The following LRP1B variants were observed in gnomAD, a reference collection of about 807,000 sequenced individuals.
The protein encoded by LRP1B is LDL receptor related protein 1B, also known as low-density lipoprotein receptor-related protein 1B.
LRP1B carries 217 observed loss-of-function variants against 556.6 expected under a neutral mutation model. The observed-to-expected ratio is 0.39, with a 90% CI of 0.35 to 0.44. The LOEUF is 0.44. LRP1B is among the 20% of genes least tolerant of loss of function. The pLI, the probability that LRP1B is intolerant of heterozygous loss-of-function variation, is 1.00. For missense variants in LRP1B, 5,053 were observed against 5,620.8 expected (o/e 0.90, Z 3.23); for synonymous variants, 2,047 against 1,865.8 (o/e 1.10, Z -2.50).
chr2:141,499,356 C>T (rs1287219738), intron 2 of LRP1B, among the ~76,000 whole-genome samples: 1 of 152,082 alleles, frequency 6.6e-6, no homozygotes, highest in Non-Finnish European at 1.5e-5. Context: ...GCCCATGTAA[C>T]TATATGACAG....
intron 7 of LRP1B, among the ~76,000 whole-genome samples, chr2:141,120,521 A>C (rs970786863): frequency 6.6e-6 from 1 of 152,036 alleles, no homozygotes; most frequent in Non-Finnish European, 1.5e-5. Context: ...TATTATGATT[A>C]TATCAAATAG....
intron 7 of LRP1B, among the ~76,000 whole-genome samples, chr2:141,181,987 C>T (rs1681020008): frequency 6.6e-6 from 1 of 152,110 alleles, no homozygotes; most frequent in Non-Finnish European, 1.5e-5. Context: ...CACATACTTT[C>T]TCACCCATGT....
chr2:141,164,747 G>A, intron 7 of LRP1B, among the ~76,000 whole-genome samples: 1 of 151,982 alleles, frequency 6.6e-6, no homozygotes. Context: ...ATCCCCCATA[G>A]TTCCATTGGA....
intron 2 of LRP1B, among the ~76,000 whole-genome samples, chr2:141,630,244 T>C (rs1688860130): frequency 6.6e-6 from 1 of 152,254 alleles, no homozygotes; most frequent in Non-Finnish European, 1.5e-5. Flanking sequence ...GCCTACTATA[T>C]TGATTTCTAC....
intron 1 of LRP1B, among the ~76,000 whole-genome samples, chr2:142,101,885 G>A (rs1249281968): frequency 6.6e-6 from 1 of 151,984 alleles, no homozygotes; most frequent in African/African-American, 2.4e-5. Context: ...AAAATGTTCT[G>A]AGAACATAAA....
chr2:140,947,349 T>C (rs1695575856), intron 20 of LRP1B, among the ~76,000 whole-genome samples: 1 of 152,148 alleles, frequency 6.6e-6, no homozygotes, highest in Non-Finnish European at 1.5e-5. Context: ...TTGAAAACAA[T>C]TTGAGTTGAG....
At chr2:141,453,267 G>A (rs984333844) in intron 3 of LRP1B, among the ~76,000 whole-genome samples, 2 of 152,112 alleles carry the variant, frequency 1.3e-5, no homozygotes, top group African/African-American at 4.8e-5. Context: ...AAATAACAAT[G>A]TCTGAGGATT....
At chr2:141,735,156 G>C (rs947780236) in intron 2 of LRP1B, among the ~76,000 whole-genome samples, 3 of 113,636 alleles carry the variant, frequency 2.6e-5, no homozygotes, top group African/African-American at 3.9e-5. Context: ...TTGTTTGTTT[G>C]TTTGTTTGTT....
chr2:141,837,468 A>G (rs1016433905), intron 1 of LRP1B, among the ~76,000 whole-genome samples: 2 of 152,084 alleles, frequency 1.3e-5, no homozygotes, highest in Non-Finnish European at 2.9e-5. Context: ...ATGAGAAGTT[A>G]TGATGAAAAA....
intron 2 of LRP1B, among the ~76,000 whole-genome samples, chr2:141,643,282 C>G (rs962144007): frequency 1.3e-5 from 2 of 152,096 alleles, no homozygotes; most frequent in African/African-American, 4.8e-5. Flanking sequence ...GAAGCACCCT[C>G]CTCAGTCTAC....
chr2:141,769,907 AG>A (rs1388319805), intron 2 of LRP1B, among the ~76,000 whole-genome samples: 1 of 152,154 alleles, frequency 6.6e-6, no homozygotes, highest in Admixed American at 6.5e-5. Flanking sequence ...TAATGCTAAG[AG>A]AGGTTAAGTG....
At chr2:140,993,892 C>T (rs11678316) in intron 16 of LRP1B, 103 bp downstream of exon 16, 320,252 of 1,166,066 alleles carry the variant, frequency 0.27, 46,160 homozygotes, top group African/African-American at 0.42. Flanking sequence ...TAGGTTCAAT[C>T]TGCATCAAAG....
At chr2:140,341,593 G>GA (rs974133186) in intron 77 of LRP1B, among the ~76,000 whole-genome samples, 2 of 151,332 alleles carry the variant, frequency 1.3e-5, no homozygotes, top group African/African-American at 4.8e-5. Context: ...AAGGAAGACA[G>GA]AAAAAAATAG....
At chr2:141,338,153 G>C (rs1687914924) in intron 3 of LRP1B, among the ~76,000 whole-genome samples, 1 of 152,132 alleles carries the variant, frequency 6.6e-6, no homozygotes. Flanking sequence ...AGTCAGAACT[G>C]GTTGATATTG....
chr2:140,618,247 A>G (rs1411224187), intron 41 of LRP1B, among the ~76,000 whole-genome samples: 2 of 151,992 alleles, frequency 1.3e-5, no homozygotes, highest in African/African-American at 4.8e-5. Context: ...TAAAAATAAT[A>G]AAAGAAGGTT....
At chr2:140,266,650 A>T (rs1444028346) in intron 86 of LRP1B, among the ~76,000 whole-genome samples, 2 of 151,680 alleles carry the variant, frequency 1.3e-5, no homozygotes, top group Non-Finnish European at 2.9e-5. Context: ...TTCTCCTTTG[A>T]TTGTGCTGTA....
At chr2:140,915,167 A>G (rs1296742160) in intron 21 of LRP1B, among the ~76,000 whole-genome samples, 1 of 152,190 alleles carries the variant, frequency 6.6e-6, no homozygotes, top group Non-Finnish European at 1.5e-5. Flanking sequence ...AGGTACTTAT[A>G]TAAGGTGATT....
intron 7 of LRP1B, among the ~76,000 whole-genome samples, chr2:141,083,351 T>C (rs1699971788): frequency 6.9e-6 from 1 of 144,256 alleles, no homozygotes; most frequent in Non-Finnish European, 1.5e-5. Flanking sequence ...TGTGGTAAAA[T>C]GAATGGAGGT....
At chr2:141,597,640 C>G (rs1373005765) in intron 2 of LRP1B, among the ~76,000 whole-genome samples, 1 of 152,086 alleles carries the variant, frequency 6.6e-6, no homozygotes, top group Non-Finnish European at 1.5e-5. Context: ...ATTTTAAAAT[C>G]TCAAATACAG....
Sources: gnomAD v4.1 joint callset for allele counts (sites outside exome capture counted in the v4.1 genomes callset) on GRCh38, gnomAD v4.1.1 for gene constraint, MANE v1.5 for transcripts, NCBI Gene and HGNC (gene_info 2026-07-23, HGNC 2026-07-21) for gene names.